The following RPTOR variants were observed in gnomAD, a reference collection of about 807,000 sequenced individuals.
RPTOR encodes regulatory-associated protein of mTOR.
RPTOR carries 21 observed loss-of-function variants against 169.9 expected under a neutral mutation model. The observed-to-expected ratio is 0.12, with a 90% CI of 0.09 to 0.18. RPTOR has a LOEUF of 0.18. Ranked by LOEUF, RPTOR falls within the 10% of genes least tolerant of loss-of-function variation. The probability of loss-of-function intolerance (pLI) is 1.00; values close to 1 mark genes in which losing one functional copy is unlikely to be tolerated. For synonymous variants in RPTOR, 732 were observed against 753.2 expected, an observed-to-expected ratio of 0.97 and a Z score of 0.46; for missense variants, 1,133 against 1,855.9, an observed-to-expected ratio of 0.61 and a Z score of 7.16.
chr17:80,779,571 G>A (rs1297933492), intron 6 of RPTOR, among the ~76,000 whole-genome samples: 1 of 152,148 alleles, frequency 6.6e-6, no homozygotes, highest in Non-Finnish European at 1.5e-5. Flanking sequence ...TTCCGTGACC[G>A]CAGGCACTGC....
intron 5 of RPTOR, among the ~76,000 whole-genome samples, chr17:80,739,029 A>T (rs1162577748): frequency 6.6e-6 from 1 of 152,192 alleles, no homozygotes; most frequent in African/African-American, 2.4e-5. Flanking sequence ...ATTGTCTGAA[A>T]TTGCTTGATA....
intron 3 of RPTOR, among the ~76,000 whole-genome samples, chr17:80,664,893 A>G (rs192026093): frequency 1.1e-3 from 166 of 152,294 alleles, no homozygotes; most frequent in African/African-American, 3.9e-3. Context: ...AACATAATTT[A>G]TGTTGTTATA....
intron 4 of RPTOR, among the ~76,000 whole-genome samples, chr17:80,711,002 T>G (rs2066185255): frequency 6.6e-6 from 1 of 152,086 alleles, no homozygotes; most frequent in Non-Finnish European, 1.5e-5. Context: ...TTGTGGAGAG[T>G]TTTTGACTTA....
intron 20 of RPTOR, among the ~76,000 whole-genome samples, chr17:80,895,456 C>G (rs1329334583): frequency 6.6e-6 from 1 of 152,252 alleles, no homozygotes; most frequent in Non-Finnish European, 1.5e-5. Context: ...CGGCCCATCT[C>G]TCTCCCCTGG....
At chr17:80,927,655 C>T (rs1031992998) in intron 24 of RPTOR, among the ~76,000 whole-genome samples, 9 of 147,562 alleles carry the variant, frequency 6.1e-5, no homozygotes. Context: ...TGTGTGTATC[C>T]CTGTGTCTGT....
intron 24 of RPTOR, among the ~76,000 whole-genome samples, chr17:80,928,291 G>A (rs2068836456): frequency 6.6e-6 from 1 of 152,068 alleles, no homozygotes; most frequent in Non-Finnish European, 1.5e-5. Context: ...TATTCATAAA[G>A]GTATTCTTTT....
In RPTOR at chr17:80,965,659, C is replaced by T. The variant is rs1171129191; in HGVS notation, c.*1329C>T. 8.6e-6 allele frequency: 2 copies of T among 233,170 alleles called. No homozygotes were observed. Among genetic ancestry groups the T allele is most frequent in the Non-Finnish European group, 1.7e-5 (2 of 118,086 alleles). 14.4% of individuals were successfully genotyped at this position (233,170 alleles called of 1,614,324 possible). ...GGTGTGGCGAGGCCCGGCTCTCCTG[C>T]GGTGTGGCTGGTGGCCTGCCGTGGC... On this transcript the variant is annotated 3_prime_UTR_variant, in exon 34 of 34. Transcript: ENST00000306801.
intron 1 of RPTOR, among the ~76,000 whole-genome samples, chr17:80,605,251 G>A (rs1245949862): frequency 6.6e-6 from 1 of 152,220 alleles, no homozygotes; most frequent in East Asian, 1.9e-4. Flanking sequence ...TGAACTCAGT[G>A]TTGAGGAGAG....
intron 3 of RPTOR, among the ~76,000 whole-genome samples, chr17:80,705,179 A>G (rs11150739): frequency 0.23 from 35,098 of 152,278 alleles, 4,134 homozygotes; most frequent in East Asian, 0.33. Context: ...CACATCCTTC[A>G]TAGATGAAAA....
intron 3 of RPTOR, among the ~76,000 whole-genome samples, chr17:80,700,173 C>T (rs1253210376): frequency 6.6e-6 from 1 of 152,122 alleles, no homozygotes; most frequent in East Asian, 1.9e-4. Context: ...TGTAGACTCT[C>T]AGAGATTATG....
intron 20 of RPTOR, among the ~76,000 whole-genome samples, chr17:80,894,759 C>T (rs955975455): frequency 1.7e-4 from 25 of 151,204 alleles, no homozygotes; most frequent in Admixed American, 7.9e-4. Flanking sequence ...TATATAAGAG[C>T]GCTGCGTGTG....
intron 1 of RPTOR, among the ~76,000 whole-genome samples, chr17:80,596,007 A>C (rs761792850): frequency 2.0e-5 from 3 of 152,172 alleles, no homozygotes; most frequent in Non-Finnish European, 2.9e-5. Context: ...TTTTATTACC[A>C]TTTAAAACTA....
chr17:80,858,059 G>T, intron 13 of RPTOR, 159 bp downstream of exon 13: 1 of 635,410 alleles, frequency 1.6e-6, no homozygotes, highest in Non-Finnish European at 2.8e-6. Flanking sequence ...GGACGCGCCC[G>T]CCTCGGCAGC....
intron 7 of RPTOR, among the ~76,000 whole-genome samples, chr17:80,792,363 A>C (rs1158693780): frequency 6.6e-6 from 1 of 152,210 alleles, no homozygotes; most frequent in East Asian, 1.9e-4. Context: ...TTCTCTTGTA[A>C]AAACGTGCTT....
chr17:80,839,569 T>A (rs111666535), intron 10 of RPTOR, among the ~76,000 whole-genome samples: 1 of 32,740 alleles, frequency 3.1e-5, no homozygotes, highest in Non-Finnish European at 5.7e-5. Context: ...ACCACAAACC[T>A]TGGGGGGCAA....
rs1330224932 is a variant in RPTOR at position 80,740,467 on chromosome 17, A to C, written c.654+9761A>C. Among the ~76,000 whole-genome samples, 14 of 152,226 alleles carry C rather than the reference A, an allele frequency of 9.2e-5. No individual in the cohort carries two copies. In the East Asian group the frequency reaches 2.7e-3, roughly 29 times the overall value. ...GCCAAAACCAGACACACCGTTCAAAAAAAATAAAAAACAGCAAACCAATAT... is the reference window on the plus strand; with the variant it reads ...GCCAAAACCAGACACACCGTTCAAACAAAATAAAAAACAGCAAACCAATAT... On this transcript the variant is annotated intron_variant, in intron 5 of 33. Transcript: ENST00000306801.
chr17:80,760,075 C>T (rs1046818128), intron 6 of RPTOR, among the ~76,000 whole-genome samples: 6 of 151,984 alleles, frequency 3.9e-5, no homozygotes, highest in East Asian at 1.9e-4. Context: ...TTTATTTAGC[C>T]GGAGCGTAGG....
chr17:80,696,524 G>A (rs1054887544), intron 3 of RPTOR, among the ~76,000 whole-genome samples: 1 of 152,182 alleles, frequency 6.6e-6, no homozygotes, highest in Non-Finnish European at 1.5e-5. Context: ...CTTTTCTTGG[G>A]TGACGACTCT....
At chr17:80,613,675 T>A (rs559009477) in intron 1 of RPTOR, among the ~76,000 whole-genome samples, 38 of 147,036 alleles carry the variant, frequency 2.6e-4, no homozygotes, top group Non-Finnish European at 4.9e-4. Context: ...GCGTGTTGTG[T>A]GGACACAGGT....
Sources: gnomAD v4.1 joint callset for allele counts (sites outside exome capture counted in the v4.1 genomes callset) on GRCh38, gnomAD v4.1.1 for gene constraint, MANE v1.5 for transcripts, NCBI Gene and HGNC (gene_info 2026-07-23, HGNC 2026-07-21) for gene names.